Variants in CEBPE observed in about 807,000 individuals in gnomAD.
CEBPE encodes CCAAT enhancer binding protein epsilon, also known as CCAAT/enhancer-binding protein epsilon.
Under a neutral mutation model 20.4 loss-of-function variants are expected in CEBPE, and 10 were observed. The ratio of observed to expected loss-of-function variants is 0.49; its 90% CI spans 0.30 to 0.83. The LOEUF (loss-of-function observed/expected upper bound fraction) is 0.83. Ranked by LOEUF, CEBPE falls within the 40% of genes least tolerant of loss-of-function variation. The probability of loss-of-function intolerance (pLI) is 0.06; values close to 1 mark genes in which losing one functional copy is unlikely to be tolerated. For missense variants in CEBPE, 389 were observed against 383.3 expected (o/e 1.01, Z -0.12); for synonymous variants, 179 against 162.6 (o/e 1.10, Z -0.77).
Position 23,118,769 on chromosome 14 carries a change from C to G in CEBPE, c.323G>C (p.Ser108Thr). ...DRKALGPGIY[S>T]SPGSYDPRAV... ...CCTGGGGTCGTAGCTCCCTGGGCTG[C>G]TGTAGATGCCAGGCCCCAGCGCCTT... Residue 108 changes from serine to threonine, a missense_variant, in exon 1 of 2, where the codon AGC (serine) becomes ACC (threonine). Around this residue, in one of 3 missense-constraint regions of CEBPE, gnomAD observed 294 missense variants for 279.7 expected, o/e 1.05. Transcript: ENST00000206513. The surrounding 1 kb of genome is among the most constrained non-coding windows in gnomAD (Gnocchi z 5.5). 1 of 1,612,980 alleles carries G rather than the reference C, an allele frequency of 6.2e-7. No individual in the cohort carries two copies. Among genetic ancestry groups the G allele is most frequent in the Non-Finnish European group, 8.5e-7 (1 of 1,179,356 alleles).
rs538148561 is a variant in CEBPE, at chr14:23,117,525, C to T, written c.808G>A (p.Ala270Thr). ...LRNLFRQIPE[A>T]ANLIKGVGGC... ...CCCACGCCCTTGATGAGGTTGGCCG[C>T]CTCAGGAATCTGGCGGAAGAGGTTG... The change falls in exon 2 of 2, where the codon GCG becomes ACG. Residue 270 changes from alanine (A) to threonine (T), a missense_variant. Around this residue, in one of 3 missense-constraint regions of CEBPE, gnomAD observed 87 missense variants for 78.5 expected, o/e 1.11. Coordinates refer to ENST00000206513, the MANE Select transcript of CEBPE (RefSeq NM_001805.4). The T allele has an allele frequency of 3.1e-6, 5 of 1,613,800 alleles. No individual in the cohort carries two copies. The highest frequency in any genetic ancestry group is 2.2e-5 in the South Asian group (2 of 91,058).
At position 23,118,688 on chromosome 14, in the gene CEBPE, C is replaced by T. The variant is rs374190826; in HGVS notation, c.404G>A (p.Arg135Gln). The T allele has an allele frequency of 2.5e-5, 40 of 1,613,042 alleles. No individual in the cohort carries two copies. Among genetic ancestry groups the T allele is most frequent in the Middle Eastern group, 1.6e-4 (1 of 6,080 alleles). Residue 135 changes from arginine (R) to glutamine (Q), a missense_variant, in exon 1 of 2, where the codon CGA becomes CAA. Physicochemically the swap from Arg to Gln is conservative, Grantham distance 43 (BLOSUM62 1). Coordinates refer to ENST00000206513, the MANE Select transcript of CEBPE (RefSeq NM_001805.4). The surrounding 1 kb of genome is among the most constrained non-coding windows in gnomAD (Gnocchi z 5.5). ...GTACTGCAGGGGATTGTAGCTGCCT[C>T]GGCTGGCAGCTCGGCTGCCCTCTGG... is the stretch of plus-strand genomic sequence containing the variant. The part of the protein sequence containing the change: ...RGPEGSRAAS[R>Q]GSYNPLQYQV...
Position 23,118,903 on chromosome 14 carries a change from CG to C in CEBPE, c.188del (p.Ala63GlyfsTer58). ...GGCCCTTGAGGCCTCTGGCCTCAGG[CG>C]CTGGCTTCACGGCAAAGAGATCGGA... ...LLSDLFAVKP[A>X]PEARGLKGPG... is the part of the protein sequence containing the mutation. On this transcript the variant is annotated frameshift_variant, in exon 1 of 2. Coordinates refer to ENST00000206513, the MANE Select transcript of CEBPE (RefSeq NM_001805.4). LOFTEE classifies it high-confidence loss of function. This position sits in a 1 kb window ranked among gnomAD's most constrained non-coding sequence, Gnocchi z 5.5. The C allele has an allele frequency of 6.2e-7, 1 of 1,613,998 alleles. No homozygotes were observed. The highest frequency in any genetic ancestry group is 8.5e-7 in the Non-Finnish European group (1 of 1,179,966).
rs1043927090 is a variant in CEBPE, at chr14:23,118,183, C to G, written c.511-361G>C. 1.3e-5 allele frequency among the ~76,000 whole-genome samples: 2 copies of G among 152,124 alleles called. No homozygotes were observed. Among genetic ancestry groups the G allele is most frequent in the African/African-American group, 4.8e-5 (2 of 41,410 alleles). The stretch of plus-strand genomic sequence containing the variant: ...GCGCTGGGATTACAGGCATGAGCCA[C>G]GACACCCAGCCAATGCTCTCACACT... On this transcript the variant is annotated intron_variant, in intron 1 of 1. Coordinates refer to ENST00000206513, the MANE Select transcript of CEBPE (RefSeq NM_001805.4). The surrounding 1 kb of genome is among the most constrained non-coding windows in gnomAD (Gnocchi z 5.5).
chr14:23,119,046 G>C lies in CEBPE; in HGVS notation c.46C>G (p.Gln16Glu). Residue 16 changes from glutamine to glutamate, a missense_variant, in exon 1 of 2, where the codon CAG becomes GAG. Gln to Glu is a conservative substitution (Grantham distance 29). Transcript: ENST00000206513. The part of the protein sequence containing the change: ...YYECEPRGGQ[Q>E]PLEFSGGRAG... Reference sequence around the variant, plus strand: ...CGGCCCCCTGAGAACTCGAGTGGCTGCTGGCCACCCCGGGGCTCACACTCG... The same window carrying C: ...CGGCCCCCTGAGAACTCGAGTGGCTCCTGGCCACCCCGGGGCTCACACTCG... 6.2e-7 allele frequency: 1 copy of C among 1,611,194 alleles called. No individual in the cohort carries two copies. The highest frequency in any genetic ancestry group is 8.5e-7 in the Non-Finnish European group (1 of 1,179,346).
chr14:23,117,982 T>C (rs889923257), intron 1 of CEBPE, among the ~76,000 whole-genome samples, 160 bp from the exon 2 acceptor site: 1 of 152,162 alleles, frequency 6.6e-6, no homozygotes, highest in Non-Finnish European at 1.5e-5. Context: ...ATCATCGCTC[T>C]GCTTCTGGGA....
chr14:23,117,312 C>T lies in CEBPE; in HGVS notation c.*175G>A. The T allele has an allele frequency of 4.5e-6, 3 of 666,948 alleles. No individual in the cohort carries two copies. The highest frequency in any genetic ancestry group is 7.9e-6 in the Non-Finnish European group (3 of 379,502). The allele number at this position is 666,948 out of a possible 1,614,324, so 41.3% of individuals were successfully genotyped here. On this transcript the variant is annotated 3_prime_UTR_variant, in exon 2 of 2. Coordinates refer to ENST00000206513, the MANE Select transcript of CEBPE (RefSeq NM_001805.4). ...ACAGCCAACAGTCCCAACACCCAGTCACAGTGCAACTTTATTCAGCCATAT... is the reference window on the plus strand; with the variant it reads ...ACAGCCAACAGTCCCAACACCCAGTTACAGTGCAACTTTATTCAGCCATAT...
At position 23,118,333 on chromosome 14, in the gene CEBPE, G is replaced by A. The variant is rs973170246; in HGVS notation, c.510+249C>T. ...CATGGTGAGCAGCAGAGAGGCTGGCGGTGGGGGCCTGAGATCAAGTAGGTC... is the reference window on the plus strand; with the variant it reads ...CATGGTGAGCAGCAGAGAGGCTGGCAGTGGGGGCCTGAGATCAAGTAGGTC... On this transcript the variant is annotated intron_variant, in intron 1 of 1. Coordinates refer to ENST00000206513, the MANE Select transcript of CEBPE (RefSeq NM_001805.4). This position sits in a 1 kb window ranked among gnomAD's most constrained non-coding sequence, Gnocchi z 5.5. Among the ~76,000 whole-genome samples, 2 of 152,092 alleles carry A rather than the reference G, an allele frequency of 1.3e-5. No homozygotes were observed. Among genetic ancestry groups the A allele is most frequent in the Non-Finnish European group, 1.5e-5 (1 of 68,010 alleles).
rs141320203 is a variant in CEBPE, at chr14:23,118,915, G to A, written c.177C>T (p.Ala59=). 7.8e-5 allele frequency: 126 copies of A among 1,614,056 alleles called. 1 individual carries two copies. The highest frequency in any genetic ancestry group is 7.6e-4 in the East Asian group (34 of 44,880). The change falls in exon 1 of 2, where the codon GCC becomes GCT. Residue 59 remains alanine (A), a synonymous_variant. Coordinates refer to ENST00000206513, the MANE Select transcript of CEBPE (RefSeq NM_001805.4). The surrounding 1 kb of genome is among the most constrained non-coding windows in gnomAD (Gnocchi z 5.5). ...GEEQLLSDLF[A]VKPAPEARGL... ...CTCTGGCCTCAGGCGCTGGCTTCAC[G>A]GCAAAGAGATCGGAGAGAAGCTGCT...
Position 23,118,557 on chromosome 14 carries a change from G to T in CEBPE, c.510+25C>A. On this transcript the variant is annotated intron_variant, in intron 1 of 1. Coordinates refer to ENST00000206513, the MANE Select transcript of CEBPE (RefSeq NM_001805.4). This position sits in a 1 kb window ranked among gnomAD's most constrained non-coding sequence, Gnocchi z 5.5. ...CCAGCCTCTCCAGCCCCGGGCAGGA[G>T]GGAGGAGGGCTGGCCTGCTCTTACC... 1 of 1,597,230 alleles carries T rather than the reference G, an allele frequency of 6.3e-7. No homozygotes were observed.
At chr14:23,117,955 T>C in intron 1 of CEBPE, 133 bp from the exon 2 acceptor site, 2 of 663,024 alleles carry the variant, frequency 3.0e-6, no homozygotes, top group East Asian at 2.7e-5. Context: ...CCAGCTCCTG[T>C]CTCTCAGGTC....
rs564149260 is a variant in CEBPE, at chr14:23,118,055, A to ACTTT, written c.511-237_511-234dup. On this transcript the variant is annotated intron_variant, in intron 1 of 1. Coordinates refer to ENST00000206513, the MANE Select transcript of CEBPE (RefSeq NM_001805.4). The surrounding 1 kb of genome is among the most constrained non-coding windows in gnomAD (Gnocchi z 5.5). ...CCAAAACTCCCTTTCATGTTCTCACACTTTCTTTCTTTCTTTTTTTGTAAA... is the reference window on the plus strand; with the variant it reads ...CCAAAACTCCCTTTCATGTTCTCACACTTTCTTTCTTTCTTTCTTTTTTTGTAAA... 4.6e-5 allele frequency among the ~76,000 whole-genome samples: 7 copies of ACTTT among 151,862 alleles called. No homozygotes were observed. The highest frequency in any genetic ancestry group is 7.3e-5 in the African/African-American group (3 of 41,330).
chr14:23,117,636 G>C lies in CEBPE; in HGVS notation c.697C>G (p.Gln233Glu), dbSNP rs756917368. The change falls in exon 2 of 2, where the codon CAG becomes GAG. Residue 233 changes from glutamine (Q) to glutamate (E), a missense_variant. Around this residue, in one of 3 missense-constraint regions of CEBPE, gnomAD observed 87 missense variants for 78.5 expected, o/e 1.11. Transcript: ENST00000206513. Reference protein sequence around the residue: ...DKAKRRILETQQKVLEYMAEN... With the variant: ...DKAKRRILETEQKVLEYMAEN... ...GCCATGTACTCCAGCACCTTCTGCT[G>C]CGTCTCCAGAATGCGCCTCTTGGCC... 8.1e-6 allele frequency: 13 copies of C among 1,614,214 alleles called. No individual in the cohort carries two copies. Among genetic ancestry groups the C allele is most frequent in the South Asian group, 4.4e-5 (4 of 91,090 alleles).
In CEBPE at chr14:23,117,842, G is replaced by C. The variant is rs2048517320; in HGVS notation, c.511-20C>G. On this transcript the variant is annotated intron_variant, in intron 1 of 1. Coordinates refer to ENST00000206513, the MANE Select transcript of CEBPE (RefSeq NM_001805.4). Reference sequence around the variant, plus strand: ...AGGGGCCTGGAGGGGAAGGCACGGAGAGACGGAGAGGTGAGGGCTGGCCAG... The same window carrying C: ...AGGGGCCTGGAGGGGAAGGCACGGACAGACGGAGAGGTGAGGGCTGGCCAG... 8 of 1,577,768 alleles carry C rather than the reference G, an allele frequency of 5.1e-6. No homozygotes were observed. The highest frequency in any genetic ancestry group is 1.7e-5 in the Admixed American group (1 of 58,976).
In CEBPE at chr14:23,118,657, C is replaced by T. The variant is rs531811790; in HGVS notation, c.435G>A (p.Val145=). 6.2e-7 allele frequency: 1 copy of T among 1,612,566 alleles called. No homozygotes were observed. The highest frequency in any genetic ancestry group is 2.2e-5 in the East Asian group (1 of 44,854). ...RGSYNPLQYQ[V]AHCGQTAMHL... Reference sequence around the variant, plus strand: ...GCATGGCTGTCTGCCCACAGTGTGCCACTTGGTACTGCAGGGGATTGTAGC... The same window carrying T: ...GCATGGCTGTCTGCCCACAGTGTGCTACTTGGTACTGCAGGGGATTGTAGC... Residue 145 remains valine, a synonymous_variant, in exon 1 of 2, where the codon GTG becomes GTA. Transcript: ENST00000206513. This position sits in a 1 kb window ranked among gnomAD's most constrained non-coding sequence, Gnocchi z 5.5.
rs2048520137 is a variant in CEBPE, at chr14:23,118,443, C to T, written c.510+139G>A. 9.2e-7 allele frequency: 1 copy of T among 1,084,398 alleles called. No homozygotes were observed. The highest frequency in any genetic ancestry group is 1.3e-6 in the Non-Finnish European group (1 of 773,518). 67.2% of individuals were successfully genotyped at this position (1,084,398 alleles called of 1,614,324 possible). On this transcript the variant is annotated intron_variant, in intron 1 of 1. Coordinates refer to ENST00000206513, the MANE Select transcript of CEBPE (RefSeq NM_001805.4). The surrounding 1 kb of genome is among the most constrained non-coding windows in gnomAD (Gnocchi z 5.5). ...AAGGGAGGTCATGGTGGGGTGTGAA[C>T]ACAGAGGACTGTGGGTTGGGTCCAT...
Position 23,118,479 on chromosome 14 carries a change from G to A in CEBPE, c.510+103C>T, listed in dbSNP as rs1043897508. On this transcript the variant is annotated intron_variant, in intron 1 of 1. Coordinates refer to ENST00000206513, the MANE Select transcript of CEBPE (RefSeq NM_001805.4). This position sits in a 1 kb window ranked among gnomAD's most constrained non-coding sequence, Gnocchi z 5.5. Reference sequence around the variant, plus strand: ...GTGGGTTGGGTCCATTTCACAGAGCGACACCAAGCACAGGCTCAGCAGCAT... The same window carrying A: ...GTGGGTTGGGTCCATTTCACAGAGCAACACCAAGCACAGGCTCAGCAGCAT... The A allele has an allele frequency of 5.4e-5, 77 of 1,418,354 alleles. 2 individuals are homozygous for A. The South Asian group carries it at 7.6e-4, about 14-fold the overall frequency. 87.9% of individuals were successfully genotyped at this position (1,418,354 alleles called of 1,614,324 possible). A position where few individuals can be genotyped will look rare whatever the true frequency, so the allele number is the denominator to read the frequency against.
At chr14:23,117,917 A>AT in intron 1 of CEBPE, 95 bp from the exon 2 acceptor site, 1 of 923,464 alleles carries the variant, frequency 1.1e-6, no homozygotes. Flanking sequence ...GGCACACTTG[A>AT]TGCGTCAAAG....
intron 1 of CEBPE, 23 bp from the exon 2 acceptor site, chr14:23,117,845 A>G: frequency 6.4e-7 from 1 of 1,574,036 alleles, no homozygotes; most frequent in Non-Finnish European, 8.6e-7. Flanking sequence ...GCACGGAGAG[A>G]CGGAGAGGTG....
Sources: gnomAD v4.1 joint callset for allele counts (sites outside exome capture counted in the v4.1 genomes callset) on GRCh38, gnomAD v4.1.1 for gene constraint, gnomAD v4.1.1 regional missense constraint, Gnocchi (gnomAD v3.1) non-coding constraint, MANE v1.5 for transcripts, NCBI Gene and HGNC (gene_info 2026-07-23, HGNC 2026-07-21) for gene names.